The following CREB5 variants were observed in gnomAD, a reference collection of about 807,000 sequenced individuals.
The protein encoded by CREB5 is cyclic AMP-responsive element-binding protein 5.
Under a neutral mutation model 57.1 loss-of-function variants are expected in CREB5, and 19 were observed. The observed-to-expected ratio is 0.33, with a 90% CI of 0.23 to 0.49. The LOEUF (loss-of-function observed/expected upper bound fraction) is 0.49. CREB5 is among the 20% of genes least tolerant of loss of function. The probability of loss-of-function intolerance (pLI) is 0.99; values close to 1 mark genes in which losing one functional copy is unlikely to be tolerated. For synonymous variants in CREB5, 238 were observed against 238.3 expected, an observed-to-expected ratio of 1.00 and a Z score of 0.01; for missense variants, 579 against 671.6, an observed-to-expected ratio of 0.86 and a Z score of 1.52.
intron 1 of CREB5, among the ~76,000 whole-genome samples, chr7:28,311,337 A>G (rs1009235839): frequency 2.5e-4 from 38 of 151,892 alleles, no homozygotes; most frequent in African/African-American, 8.9e-4. Context: ...AGCCCTTAGG[A>G]CCTATTTTCA....
At chr7:28,794,514 T>C (rs1380591283) in intron 7 of CREB5, among the ~76,000 whole-genome samples, 1 of 152,220 alleles carries the variant, frequency 6.6e-6, no homozygotes, top group Non-Finnish European at 1.5e-5. Context: ...TAATATTTTC[T>C]AGGGCCAAAT....
At chr7:28,319,627 T>G (rs1046369635) in intron 1 of CREB5, among the ~76,000 whole-genome samples, 2 of 152,138 alleles carry the variant, frequency 1.3e-5, no homozygotes, top group African/African-American at 2.4e-5. Flanking sequence ...GCTCTACCCA[T>G]GCTCACAGCC....
intron 4 of CREB5, among the ~76,000 whole-genome samples, chr7:28,551,533 G>A (rs1203273910): frequency 1.3e-5 from 2 of 152,168 alleles, no homozygotes; most frequent in Non-Finnish European, 2.9e-5. Flanking sequence ...TTGGTCTAAA[G>A]CATTTGCATT....
chr7:28,530,768 A>G (rs1793692803), intron 4 of CREB5, among the ~76,000 whole-genome samples: 1 of 152,154 alleles, frequency 6.6e-6, no homozygotes, highest in African/African-American at 2.4e-5. Flanking sequence ...AAAATAAACA[A>G]GCAGTGCTGG....
chr7:28,560,825 CGCGCGCGCGTGTGT>C (rs1795084086), intron 4 of CREB5, among the ~76,000 whole-genome samples: 1 of 37,622 alleles, frequency 2.7e-5, no homozygotes, highest in Non-Finnish European at 6.5e-5. Context: ...TGTGTGTGCG[CGCGCGCGCGTGTGT>C]GTGTGCGCGT....
chr7:28,573,849 C>A (rs1795798233), intron 5 of CREB5, among the ~76,000 whole-genome samples: 1 of 152,128 alleles, frequency 6.6e-6, no homozygotes, highest in Non-Finnish European at 1.5e-5. Context: ...ATGCAAAAAT[C>A]CAAAGAAGTA....
intron 4 of CREB5, among the ~76,000 whole-genome samples, chr7:28,552,409 G>T (rs115377078): frequency 1.3e-5 from 2 of 152,138 alleles, no homozygotes. Context: ...AGGCCATCCC[G>T]AGACTATGGA....
chr7:28,665,552 C>T (rs75482953), intron 5 of CREB5, among the ~76,000 whole-genome samples: 2,114 of 151,996 alleles, frequency 0.014, 46 homozygotes, highest in African/African-American at 0.041. Flanking sequence ...ATGAAACTTA[C>T]AAGAATGTAT....
intron 7 of CREB5, among the ~76,000 whole-genome samples, chr7:28,765,689 CT>C (rs1805928175): frequency 6.6e-6 from 1 of 152,226 alleles, no homozygotes; most frequent in Non-Finnish European, 1.5e-5. Flanking sequence ...GAAATCTCTT[CT>C]TTGCCTGTTG....
intron 5 of CREB5, among the ~76,000 whole-genome samples, chr7:28,646,666 C>T (rs1242541322): frequency 1.3e-5 from 2 of 151,816 alleles, no homozygotes; most frequent in Non-Finnish European, 2.9e-5. Context: ...AGAAATCGTC[C>T]AGAAAGGAAA....
rs115985122 is a variant in CREB5, at chr7:28,677,239, A to G, written c.465-41514A>G. Reference sequence around the variant, plus strand: ...ATAAAATTTCCATGACCATAGGATGACCACGTAGAAGTGTGGACTATGGAT... The same window carrying G: ...ATAAAATTTCCATGACCATAGGATGGCCACGTAGAAGTGTGGACTATGGAT... On this transcript the variant is annotated intron_variant, in intron 5 of 10. Transcript: ENST00000357727. 4.4e-3 allele frequency among the ~76,000 whole-genome samples: 671 copies of G among 152,342 alleles called. 7 individuals are homozygous for G. Among genetic ancestry groups the G allele is most frequent in the African/African-American group, 0.015 (615 of 41,570 alleles).
intron 4 of CREB5, among the ~76,000 whole-genome samples, chr7:28,566,811 A>G (rs1226960099): frequency 6.6e-6 from 1 of 152,234 alleles, no homozygotes; most frequent in Non-Finnish European, 1.5e-5. Flanking sequence ...AGAAGAGATT[A>G]CAGGAGAGTT....
chr7:28,698,855 A>G (rs1801704058), intron 5 of CREB5, among the ~76,000 whole-genome samples: 1 of 152,226 alleles, frequency 6.6e-6, no homozygotes, highest in Admixed American at 6.5e-5. Flanking sequence ...CAGGAGCAAC[A>G]TAGTAAGGAT....
chr7:28,430,726 G>A (rs1583453234), intron 1 of CREB5, among the ~76,000 whole-genome samples: 1 of 152,260 alleles, frequency 6.6e-6, no homozygotes, highest in East Asian at 1.9e-4. Context: ...GGAAACAATT[G>A]GATCAGTTAG....
intron 1 of CREB5, among the ~76,000 whole-genome samples, chr7:28,400,711 C>A (rs928095701): frequency 6.6e-6 from 1 of 152,078 alleles, no homozygotes; most frequent in African/African-American, 2.4e-5. Context: ...GAGGAGGAAT[C>A]GCTGATCAAT....
chr7:28,381,848 A>G (rs1047945220), intron 1 of CREB5, among the ~76,000 whole-genome samples: 1 of 152,208 alleles, frequency 6.6e-6, no homozygotes, highest in African/African-American at 2.4e-5. Context: ...TTAGTCAGTG[A>G]TCTCCAGAGC....
intron 1 of CREB5, among the ~76,000 whole-genome samples, chr7:28,406,253 G>A (rs1787577182): frequency 6.6e-6 from 1 of 152,186 alleles, no homozygotes; most frequent in Non-Finnish European, 1.5e-5. Flanking sequence ...ATTCTTCCAT[G>A]GGAGTTGGTA....
At chr7:28,449,943 T>C (rs1444948665) in intron 1 of CREB5, among the ~76,000 whole-genome samples, 4 of 152,208 alleles carry the variant, frequency 2.6e-5, no homozygotes, top group Admixed American at 2.0e-4. Flanking sequence ...TGAGTTTTCT[T>C]AGACTTAGGA....
At chr7:28,727,655 A>G (rs933554683) in intron 7 of CREB5, among the ~76,000 whole-genome samples, 2 of 152,204 alleles carry the variant, frequency 1.3e-5, no homozygotes, top group African/African-American at 2.4e-5. Context: ...AGAAACCAGT[A>G]ACGATTTGGA....
Sources: gnomAD v4.1 joint callset for allele counts (sites outside exome capture counted in the v4.1 genomes callset) on GRCh38, gnomAD v4.1.1 for gene constraint, MANE v1.5 for transcripts, NCBI Gene and HGNC (gene_info 2026-07-23, HGNC 2026-07-21) for gene names.